The following HEBP1 variants were observed in gnomAD, a reference collection of about 807,000 sequenced individuals.
The protein encoded by HEBP1 is heme-binding protein 1.
HEBP1 carries 13 observed loss-of-function variants against 20.4 expected under a neutral mutation model. The observed-to-expected ratio is 0.64, with a 90% CI of 0.42 to 1.01. HEBP1 has a LOEUF of 1.01. Ranked by LOEUF, HEBP1 falls within the 50% of genes least tolerant of loss-of-function variation. The pLI is 0.00. For missense variants in HEBP1, 241 were observed against 247.3 expected (o/e 0.97, Z 0.17); for synonymous variants, 92 against 90.7 (o/e 1.01, Z -0.08).
At chr12:12,976,077 CAAAAA>C (rs56110606) in intron 3 of HEBP1, among the ~76,000 whole-genome samples, 4 of 85,898 alleles carry the variant, frequency 4.7e-5, no homozygotes, top group Admixed American at 1.3e-4. Flanking sequence ...GACCCTGTGT[CAAAAA>C]AAAAAAAAAA....
At chr12:12,989,610 T>A (rs1864193184) in intron 1 of HEBP1, among the ~76,000 whole-genome samples, 195 bp from the exon 2 acceptor site, 1 of 151,990 alleles carries the variant, frequency 6.6e-6, no homozygotes, top group African/African-American at 2.4e-5. Context: ...AGCAGGAAAA[T>A]CTTATACATT....
At chr12:12,977,430 C>T (rs891268698) in intron 3 of HEBP1, 1 of 152,218 alleles carries the variant, frequency 6.6e-6, no homozygotes, top group Non-Finnish European at 1.5e-5. Context: ...TACCATGTAG[C>T]TGAGTGTTGT....
At chr12:12,984,601 G>A (rs772663082) in intron 3 of HEBP1, 6 of 152,168 alleles carry the variant, frequency 3.9e-5, no homozygotes, top group Non-Finnish European at 8.8e-5. Flanking sequence ...AGTTGTGTTG[G>A]TAAAGAAATT....
intron 2 of HEBP1, among the ~76,000 whole-genome samples, chr12:12,988,915 T>C (rs1483446383): frequency 3.9e-5 from 6 of 152,168 alleles, no homozygotes; most frequent in Non-Finnish European, 7.3e-5. Flanking sequence ...GGCCTTGCGT[T>C]GTGCTGTAGC....
chr12:12,988,782 C>G (rs1330595546), intron 2 of HEBP1, among the ~76,000 whole-genome samples: 2 of 152,044 alleles, frequency 1.3e-5, no homozygotes, highest in Admixed American at 6.5e-5. Flanking sequence ...GCAGGATGGC[C>G]CAAGAATTCT....
At chr12:12,975,596 A>C (rs1592396337) in intron 3 of HEBP1, 117 bp from the exon 4 acceptor site, 3 of 822,484 alleles carry the variant, frequency 3.6e-6, no homozygotes, top group Non-Finnish European at 5.5e-6. Flanking sequence ...GAGTGGTAAG[A>C]CTGGGGACTG....
At chr12:12,983,643 A>G in intron 3 of HEBP1, 1 of 455,506 alleles carries the variant, frequency 2.2e-6, no homozygotes. Context: ...AGTGACATCA[A>G]GTGGCGAGTT....
intron 3 of HEBP1, among the ~76,000 whole-genome samples, chr12:12,983,156 A>G (rs1864107445): frequency 6.6e-6 from 1 of 152,196 alleles, no homozygotes; most frequent in South Asian, 2.1e-4. Flanking sequence ...AAGACCATCA[A>G]ACTTCTCCTG....
In HEBP1 at chr12:12,986,923, C is replaced by T. The variant is rs1864159744; in HGVS notation, c.398+229G>A. 3.9e-6 allele frequency: 2 copies of T among 509,382 alleles called. No homozygotes were observed. The highest frequency in any genetic ancestry group is 3.5e-5 in the Admixed American group (1 of 28,768). The allele number at this position is 509,382 out of a possible 1,614,324, so 31.6% of individuals were successfully genotyped here. A position where few individuals can be genotyped will look rare whatever the true frequency, so the allele number is the denominator to read the frequency against. ...TGTAAGCTTAAGCAAAGCTTAAGCT[C>T]GTCCCATCAATTTGGCAACTGGCCA... is the stretch of plus-strand genomic sequence containing the variant. On this transcript the variant is annotated intron_variant, in intron 3 of 3. Transcript: ENST00000014930. The surrounding 1 kb of genome is among the most constrained non-coding windows in gnomAD (Gnocchi z 4.3).
chr12:12,998,848 G>A lies in HEBP1; in HGVS notation c.78+1189C>T, dbSNP rs193138433. Among the ~76,000 whole-genome samples the A allele has an allele frequency of 6.6e-6, 1 of 152,360 alleles. No individual in the cohort carries two copies. Among genetic ancestry groups the A allele is most frequent in the East Asian group, 1.9e-4 (1 of 5,192 alleles). On this transcript the variant is annotated intron_variant, in intron 1 of 3. Coordinates refer to ENST00000014930, the MANE Select transcript of HEBP1 (RefSeq NM_015987.5). This position sits in a 1 kb window ranked among gnomAD's most constrained non-coding sequence, Gnocchi z 4.2. ...TCCTTGTTTTCAGGGGTGCAGTCCA[G>A]TTAGCCCATGTTAGCACTGATATAA...
intron 3 of HEBP1, chr12:12,984,335 A>G (rs1864125812): frequency 6.5e-6 from 1 of 152,786 alleles, no homozygotes; most frequent in Admixed American, 6.5e-5. Flanking sequence ...ATGATGAACT[A>G]TGGTCACCAA....
Position 12,999,940 on chromosome 12 carries a change from C to A in HEBP1, c.78+97G>T, listed in dbSNP as rs201177621. The A allele has an allele frequency of 1.5e-3, 1,061 of 719,876 alleles. 2 individuals carry two copies. The highest frequency in any genetic ancestry group is 2.1e-3 in the Non-Finnish European group (873 of 424,590). 44.6% of individuals were successfully genotyped at this position (719,876 alleles called of 1,614,324 possible). ...CAGAACGCACCTTCGATAGCACATT[C>A]CTGCCCCACCTGCCCCTCAGCACCC... On this transcript the variant is annotated intron_variant, in intron 1 of 3. Coordinates refer to ENST00000014930, the MANE Select transcript of HEBP1 (RefSeq NM_015987.5).
At chr12:12,983,931 A>C (rs1188450587) in intron 3 of HEBP1, 3 of 347,584 alleles carry the variant, frequency 8.6e-6, no homozygotes, top group Non-Finnish European at 1.7e-5. Context: ...CGACTACTGG[A>C]GCTGTGTCAA....
At chr12:12,984,644 C>T (rs760239688) in intron 3 of HEBP1, 2 of 152,126 alleles carry the variant, frequency 1.3e-5, no homozygotes, top group Non-Finnish European at 2.9e-5. Context: ...AATGTACCAT[C>T]AGCCAGGTGT....
At chr12:12,987,360 C>A in intron 2 of HEBP1, 28 bp from the exon 3 acceptor site, 1 of 1,595,776 alleles carries the variant, frequency 6.3e-7, no homozygotes. Context: ...CAGAGTGAGG[C>A]AGGGATCAGA....
chr12:12,984,152 A>C (rs927911676), intron 3 of HEBP1: 3 of 158,566 alleles, frequency 1.9e-5, no homozygotes, highest in African/African-American at 7.2e-5. Flanking sequence ...TGGTAAATAA[A>C]GAGAAGGTAT....
At chr12:12,999,955 C>G in intron 1 of HEBP1, 82 bp downstream of exon 1, 1 of 914,190 alleles carries the variant, frequency 1.1e-6, no homozygotes, top group Non-Finnish European at 1.7e-6. Flanking sequence ...CCCACCTGCC[C>G]CTCAGCACCC....
rs572748310 is a variant in HEBP1, at chr12:12,996,673, A to G, written c.78+3364T>C. On this transcript the variant is annotated intron_variant, in intron 1 of 3. Coordinates refer to ENST00000014930, the MANE Select transcript of HEBP1 (RefSeq NM_015987.5). The surrounding 1 kb of genome is among the most constrained non-coding windows in gnomAD (Gnocchi z 4.1). Reference sequence around the variant, plus strand: ...TTTAAAAAAAAAAAGGTTTACAAGTATCTATGCATAATTAATTAATTTCAC... The same window carrying G: ...TTTAAAAAAAAAAAGGTTTACAAGTGTCTATGCATAATTAATTAATTTCAC... Among the ~76,000 whole-genome samples the G allele has an allele frequency of 6.6e-6, 1 of 152,186 alleles. No individual in the cohort carries two copies. The highest frequency in any genetic ancestry group is 2.1e-4 in the South Asian group (1 of 4,834).
At chr12:12,994,348 C>T (rs564594470) in intron 1 of HEBP1, among the ~76,000 whole-genome samples, 3 of 152,248 alleles carry the variant, frequency 2.0e-5, no homozygotes, top group African/African-American at 7.2e-5. Context: ...AACCATTAGT[C>T]CAGTGATGGT....
Sources: allele counts gnomAD v4.1 joint callset (sites outside exome capture counted in the v4.1 genomes callset), GRCh38; gene constraint gnomAD v4.1.1; non-coding constraint Gnocchi (gnomAD v3.1); transcripts MANE v1.5; gene names NCBI Gene and HGNC (gene_info 2026-07-23, HGNC 2026-07-21).